The following CDKAL1 variants were observed in gnomAD, a reference collection of about 807,000 sequenced individuals.
The protein encoded by CDKAL1 is CDKAL1 threonylcarbamoyladenosine tRNA methylthiotransferase.
A neutral mutation model predicts 68.2 loss-of-function variants in CDKAL1; 32 were observed. That is an observed-to-expected ratio of 0.47 (90% CI 0.35 to 0.63). The LOEUF (loss-of-function observed/expected upper bound fraction) is 0.63, where lower values mean the gene tolerates loss of function less well. CDKAL1 is among the 30% of genes least tolerant of loss of function. The pLI, the probability that CDKAL1 is intolerant of heterozygous loss-of-function variation, is 0.00. For missense variants in CDKAL1, 606 were observed against 696.7 expected, an observed-to-expected ratio of 0.87 and a Z score of 1.47; for synonymous variants, 234 against 244.3, an observed-to-expected ratio of 0.96 and a Z score of 0.39.
intron 6 of CDKAL1, among the ~76,000 whole-genome samples, chr6:20,741,532 T>C (rs1251530008): frequency 1.3e-5 from 2 of 152,146 alleles, no homozygotes; most frequent in African/African-American, 4.8e-5. Context: ...ATTCTCATCA[T>C]GTAGCTCCCA....
At chr6:20,694,469 C>T (rs1484770686) in intron 5 of CDKAL1, among the ~76,000 whole-genome samples, 2 of 152,030 alleles carry the variant, frequency 1.3e-5, no homozygotes, top group Non-Finnish European at 2.9e-5. Context: ...TTTTGAGTTG[C>T]GTAGAGAAGG....
At chr6:20,754,109 A>G (rs1774062368) in intron 6 of CDKAL1, among the ~76,000 whole-genome samples, 1 of 152,204 alleles carries the variant, frequency 6.6e-6, no homozygotes. Context: ...CCTCTCAAGT[A>G]TTTAGGACTA....
chr6:20,612,621 C>G (rs1347397879), intron 4 of CDKAL1, among the ~76,000 whole-genome samples: 1 of 151,738 alleles, frequency 6.6e-6, no homozygotes, highest in Non-Finnish European at 1.5e-5. Flanking sequence ...TGTTGAGTTC[C>G]TTATATATTC....
chr6:20,816,422 G>A (rs1373690589), intron 8 of CDKAL1, among the ~76,000 whole-genome samples: 1 of 152,154 alleles, frequency 6.6e-6, no homozygotes, highest in Non-Finnish European at 1.5e-5. Context: ...GCATTGCAAT[G>A]TGCTAGCATT....
At chr6:20,543,237 A>C (rs6928571) in intron 2 of CDKAL1, among the ~76,000 whole-genome samples, 1 of 152,226 alleles carries the variant, frequency 6.6e-6, no homozygotes, top group Admixed American at 6.5e-5. Context: ...TTAAGAAAAC[A>C]CCAAACTGTT....
At chr6:20,834,448 C>G (rs1391426254) in intron 8 of CDKAL1, among the ~76,000 whole-genome samples, 1 of 152,168 alleles carries the variant, frequency 6.6e-6, no homozygotes, top group Non-Finnish European at 1.5e-5. Context: ...TTCTAACATA[C>G]CAGCTTCTGT....
At chr6:21,212,157 A>T (rs1191755815) in intron 15 of CDKAL1, among the ~76,000 whole-genome samples, 1 of 152,190 alleles carries the variant, frequency 6.6e-6, no homozygotes, top group Non-Finnish European at 1.5e-5. Flanking sequence ...TGGTCTGCCC[A>T]CGACTGGCTC....
At chr6:20,858,708 A>T (rs2150518679) in intron 9 of CDKAL1, among the ~76,000 whole-genome samples, 1 of 152,302 alleles carries the variant, frequency 6.6e-6, no homozygotes. Flanking sequence ...CATTTACATG[A>T]TGGAGTGTTA....
chr6:20,807,308 C>A (rs1343540926), intron 8 of CDKAL1, among the ~76,000 whole-genome samples: 1 of 152,090 alleles, frequency 6.6e-6, no homozygotes, highest in Non-Finnish European at 1.5e-5. Flanking sequence ...ACTGCAACCT[C>A]CACCTTCTGG....
intron 11 of CDKAL1, among the ~76,000 whole-genome samples, chr6:21,040,574 A>G (rs904620069): frequency 1.8e-4 from 28 of 152,340 alleles, no homozygotes; most frequent in Non-Finnish European, 3.7e-4. Context: ...TAGATTGAAT[A>G]GCTTCACTAA....
At chr6:20,780,921 A>C (rs1415415620) in intron 7 of CDKAL1, among the ~76,000 whole-genome samples, 2 of 151,942 alleles carry the variant, frequency 1.3e-5, no homozygotes, top group African/African-American at 4.8e-5. Flanking sequence ...TGATCCACCC[A>C]CCTTGGCCTC....
intron 12 of CDKAL1, among the ~76,000 whole-genome samples, chr6:21,076,205 T>A (rs779924575): frequency 2.6e-5 from 4 of 152,144 alleles, no homozygotes; most frequent in Non-Finnish European, 2.9e-5. Flanking sequence ...TTGTGAGGAA[T>A]TACATTGTTG....
At chr6:20,612,830 G>A (rs529457517) in intron 4 of CDKAL1, among the ~76,000 whole-genome samples, 336 of 152,002 alleles carry the variant, frequency 2.2e-3, no homozygotes, top group African/African-American at 7.9e-3. Flanking sequence ...CAATGTCCTG[G>A]AGTGTTTTCC....
rs530299901 is a variant in CDKAL1, at chr6:21,118,483, C to G, written c.1299+10020C>G. 3.3e-5 allele frequency among the ~76,000 whole-genome samples: 5 copies of G among 152,322 alleles called. No individual in the cohort carries two copies. The East Asian group carries it at 9.6e-4, about 29-fold the overall frequency. On this transcript the variant is annotated intron_variant, in intron 13 of 15. Transcript: ENST00000274695. ...ACACAGATTCAGGGTTGCACAAAAC[C>G]ATTTCCAGATTTCTGTTTACAAAGA...
intron 11 of CDKAL1, among the ~76,000 whole-genome samples, chr6:21,059,397 C>T (rs1240384169): frequency 6.6e-6 from 1 of 152,248 alleles, no homozygotes; most frequent in Admixed American, 6.5e-5. Context: ...TGAACATCTG[C>T]ACAGCTCTGT....
intron 4 of CDKAL1, among the ~76,000 whole-genome samples, chr6:20,552,816 G>T (rs1763886939): frequency 6.6e-6 from 1 of 152,100 alleles, no homozygotes; most frequent in Non-Finnish European, 1.5e-5. Context: ...AATATAAACA[G>T]AATTAGCTTT....
At chr6:21,006,229 A>T (rs1162008446) in intron 11 of CDKAL1, among the ~76,000 whole-genome samples, 2 of 152,172 alleles carry the variant, frequency 1.3e-5, no homozygotes, top group Non-Finnish European at 2.9e-5. Context: ...ATTCTGCCTT[A>T]TTCATCTAGT....
At chr6:20,990,224 G>A (rs1329611491) in intron 10 of CDKAL1, among the ~76,000 whole-genome samples, 1 of 152,130 alleles carries the variant, frequency 6.6e-6, no homozygotes, top group East Asian at 1.9e-4. Flanking sequence ...ACCTGGGCAA[G>A]AGAGCAAGAC....
chr6:20,680,176 T>C (rs75722618), intron 5 of CDKAL1, among the ~76,000 whole-genome samples: 15,077 of 152,136 alleles, frequency 0.099, 2,411 homozygotes, highest in African/African-American at 0.34. Context: ...AAGTGTTTCT[T>C]GTGCCTCAGC....
Sources: allele counts gnomAD v4.1 joint callset (sites outside exome capture counted in the v4.1 genomes callset), GRCh38; gene constraint gnomAD v4.1.1; transcripts MANE v1.5; gene names NCBI Gene and HGNC (gene_info 2026-07-23, HGNC 2026-07-21).